Variants in GPR89A observed in about 807,000 individuals in gnomAD.
The protein encoded by GPR89A is G protein-coupled receptor 89A.
GPR89A carries 16 observed loss-of-function variants against 52.0 expected under a neutral mutation model. The observed-to-expected ratio is 0.31, with a 90% CI of 0.21 to 0.47. GPR89A has a LOEUF of 0.47. Ranked by LOEUF, GPR89A falls within the 20% of genes least tolerant of loss-of-function variation. The pLI, the probability that GPR89A is intolerant of heterozygous loss-of-function variation, is 1.00. For missense variants in GPR89A, 135 were observed against 449.4 expected (o/e 0.30, Z 6.33); for synonymous variants, 55 against 150.9 (o/e 0.36, Z 4.66).
chr1:145,648,590 C>T (rs1571521627), intron 10 of GPR89A, among the ~76,000 whole-genome samples: 2 of 151,420 alleles, frequency 1.3e-5, no homozygotes. Context: ...AGCAATTCTC[C>T]TGCCTCAGCC....
chr1:145,641,808 A>G (rs1325549087), intron 7 of GPR89A, among the ~76,000 whole-genome samples: 4 of 151,234 alleles, frequency 2.6e-5, no homozygotes, highest in Non-Finnish European at 5.9e-5. Context: ...ATGATAGTAA[A>G]GAAAAGTTGA....
At chr1:145,630,137 C>T (rs1156390498) in intron 5 of GPR89A, among the ~76,000 whole-genome samples, 5 of 145,242 alleles carry the variant, frequency 3.4e-5, no homozygotes, top group East Asian at 2.0e-4. Context: ...ATTTATAATC[C>T]GAAACTGATG....
intron 10 of GPR89A, among the ~76,000 whole-genome samples, chr1:145,657,549 T>A (rs1298644219): frequency 6.6e-6 from 1 of 152,184 alleles, no homozygotes; most frequent in Non-Finnish European, 1.5e-5. Flanking sequence ...TGGAAAAGTA[T>A]GTGTGGAGAT....
chr1:145,657,317 G>T (rs1226926191), intron 10 of GPR89A, among the ~76,000 whole-genome samples: 1 of 147,752 alleles, frequency 6.8e-6, no homozygotes, highest in South Asian at 2.1e-4. Flanking sequence ...CTTGAGCCCA[G>T]AAGTCCAAGG....
intron 12 of GPR89A, among the ~76,000 whole-genome samples, chr1:145,667,298 T>C (rs1553696634): frequency 6.6e-6 from 1 of 152,210 alleles, no homozygotes; most frequent in East Asian, 1.9e-4. Context: ...TGAGATGGTA[T>C]CTCATTGTGG....
At position 145,670,406 on chromosome 1, in the gene GPR89A, C is replaced by A. The variant is rs1426828849; in HGVS notation, c.*366C>A. 7.4e-6 allele frequency: 3 copies of A among 406,998 alleles called. No individual in the cohort carries two copies. The highest frequency in any genetic ancestry group is 1.4e-5 in the Non-Finnish European group (3 of 218,618). 25.2% of individuals were successfully genotyped at this position (406,998 alleles called of 1,614,324 possible). On this transcript the variant is annotated 3_prime_UTR_variant, in exon 14 of 14. Transcript: ENST00000313835. ...CGTAGGATTTCCGTTTTAAGGTTCA[C>A]ATGGAAAAGGTTATAGCTTTGCCTT...
chr1:145,633,606 T>TA (rs1457874377), intron 7 of GPR89A, among the ~76,000 whole-genome samples: 1 of 32,126 alleles, frequency 3.1e-5, no homozygotes, highest in Non-Finnish European at 6.0e-5. Context: ...AGTTTGTGCT[T>TA]ATGCTTGTAT....
intron 5 of GPR89A, among the ~76,000 whole-genome samples, chr1:145,628,443 A>G (rs1649657408): frequency 1.3e-5 from 2 of 151,984 alleles, no homozygotes; most frequent in Admixed American, 6.6e-5. Flanking sequence ...GAATTTTGCA[A>G]CCAGGGGAAA....
Position 145,646,249 on chromosome 1 carries a change from A to G in GPR89A, c.793A>G (p.Thr265Ala). ...EELSRQLFLE[T>A]ADLYATKERI... ...ATTAAGCAGGCAGCTTTTTCTGGAA[A>G]CAGCTGATCTATATGCTACCAAGGT... The change falls in exon 9 of 14, where the codon ACA (threonine) becomes GCA (alanine). Residue 265 changes from threonine to alanine, a missense_variant. Thr to Ala is a moderately conservative substitution (Grantham distance 58). This residue lies in a region of GPR89A where 23 missense variants were observed against 42.2 expected (regional missense o/e 0.54). Coordinates refer to ENST00000313835, the MANE Select transcript of GPR89A (RefSeq NM_001097612.2). 1 of 1,611,480 alleles carries G rather than the reference A, an allele frequency of 6.2e-7. No individual in the cohort carries two copies.
chr1:145,637,647 A>G (rs1464644469), intron 7 of GPR89A, among the ~76,000 whole-genome samples: 3 of 150,234 alleles, frequency 2.0e-5, no homozygotes, highest in Admixed American at 1.3e-4. Flanking sequence ...ACTAACTCCA[A>G]GTGGATCCAG....
At position 145,608,685 on chromosome 1, in the gene GPR89A, G is replaced by A. The variant is rs372520783; in HGVS notation, c.42+510G>A. 2.6e-4 allele frequency: 244 copies of A among 944,800 alleles called. 3 individuals carry two copies. The African/African-American group carries it at 3.8e-3, about 15-fold the overall frequency. The allele number at this position is 944,800 out of a possible 1,614,324, so 58.5% of individuals were successfully genotyped here. On this transcript the variant is annotated intron_variant, in intron 1 of 13. Transcript: ENST00000313835. The stretch of plus-strand genomic sequence containing the variant: ...AAAGTATCAGTATAAGGTAATACCT[G>A]TGCTTGAAAGTATAAGGTTTCGTTT...
At chr1:145,660,304 A>G (rs1553695355) in intron 10 of GPR89A, among the ~76,000 whole-genome samples, 3 of 152,178 alleles carry the variant, frequency 2.0e-5, no homozygotes, top group Admixed American at 6.5e-5. Context: ...AATTAATTCA[A>G]GATGGATTAA....
chr1:145,645,113 G>C (rs781899388), intron 8 of GPR89A: 1 of 155,428 alleles, frequency 6.4e-6, no homozygotes, highest in South Asian at 1.9e-4. Flanking sequence ...CATTTATTTC[G>C]TATCTCCTAT....
At position 145,646,426 on chromosome 1, in the gene GPR89A, C is replaced by A. The variant is rs1650996290; in HGVS notation, c.816+154C>A. On this transcript the variant is annotated intron_variant, in intron 9 of 13. Coordinates refer to ENST00000313835, the MANE Select transcript of GPR89A (RefSeq NM_001097612.2). ...GCATTAGGGATAAGGGATCTTCACTCTTCATGAAATTGCTCCTGTCACTAG... is the reference window on the plus strand; with the variant it reads ...GCATTAGGGATAAGGGATCTTCACTATTCATGAAATTGCTCCTGTCACTAG... 5.1e-6 allele frequency: 3 copies of A among 584,940 alleles called. No individual in the cohort carries two copies. The East Asian group carries it at 9.1e-5, about 18-fold the overall frequency. The allele number at this position is 584,940 out of a possible 1,614,324, so 36.2% of individuals were successfully genotyped here. A position where few individuals can be genotyped will look rare whatever the true frequency, so the allele number is the denominator to read the frequency against.
chr1:145,609,518 A>G (rs1648102501), intron 1 of GPR89A, among the ~76,000 whole-genome samples: 1 of 152,222 alleles, frequency 6.6e-6, no homozygotes, highest in South Asian at 2.1e-4. Flanking sequence ...AAACCTTTCT[A>G]AGACTACCCA....
chr1:145,664,205 G>A (rs1467601630), intron 11 of GPR89A, among the ~76,000 whole-genome samples: 2 of 151,996 alleles, frequency 1.3e-5, no homozygotes, highest in African/African-American at 2.4e-5. Context: ...AAAGGACTTG[G>A]ATGAAATGAA....
intron 1 of GPR89A, among the ~76,000 whole-genome samples, chr1:145,612,528 C>T (rs587603870): frequency 3.5e-4 from 54 of 152,258 alleles, no homozygotes; most frequent in African/African-American, 1.3e-3. Context: ...TTGATTCTGA[C>T]ACTTACTATA....
At chr1:145,637,663 A>G (rs1266619233) in intron 7 of GPR89A, among the ~76,000 whole-genome samples, 4 of 151,376 alleles carry the variant, frequency 2.6e-5, no homozygotes, top group Admixed American at 6.6e-5. Flanking sequence ...TCCAGATTAC[A>G]CATTTAACAA....
At chr1:145,619,738 G>C (rs587694423) in intron 3 of GPR89A, among the ~76,000 whole-genome samples, 1 of 151,026 alleles carries the variant, frequency 6.6e-6, no homozygotes, top group African/African-American at 2.4e-5. Flanking sequence ...AACCTTGGCC[G>C]GGCACGGTGG....
Sources: gnomAD v4.1 joint callset for allele counts (sites outside exome capture counted in the v4.1 genomes callset) on GRCh38, gnomAD v4.1.1 for gene constraint, gnomAD v4.1.1 regional missense constraint, MANE v1.5 for transcripts, NCBI Gene and HGNC (gene_info 2026-07-23, HGNC 2026-07-21) for gene names.